Variants in COL4A3 observed in about 807,000 individuals in gnomAD.
COL4A3 encodes collagen type IV alpha 3 chain.
Under a neutral mutation model 217.4 loss-of-function variants are expected in COL4A3, and 135 were observed. The observed-to-expected ratio is 0.62, with a 90% CI of 0.54 to 0.72. The LOEUF is 0.72. COL4A3 is among the 30% of genes least tolerant of loss of function. COL4A3 has a pLI of 0.00. For missense variants in COL4A3, 1,868 were observed against 2,119.9 expected (o/e 0.88, Z 2.33); for synonymous variants, 690 against 736.3 (o/e 0.94, Z 1.02).
intron 34 of COL4A3, among the ~76,000 whole-genome samples, chr2:227,285,233 T>C (rs1308997055): frequency 7.7e-6 from 1 of 130,630 alleles, no homozygotes; most frequent in Non-Finnish European, 1.5e-5. Context: ...TTTATATGCA[T>C]GGCACATGAG....
At chr2:227,276,892 C>G (rs2071598105) in intron 27 of COL4A3, among the ~76,000 whole-genome samples, 1 of 152,184 alleles carries the variant, frequency 6.6e-6, no homozygotes, top group South Asian at 2.1e-4. Flanking sequence ...TGGAGGGAGA[C>G]TTACATAGTT....
Position 227,250,378 on chromosome 2 carries a change from A to G in COL4A3, c.547-762A>G, listed in dbSNP as rs1559866275. ...TAGATAGATAGATAGATAGATAGATAGATAGATATTTAAAAATTGTATGAA... is the reference window on the plus strand; with the variant it reads ...TAGATAGATAGATAGATAGATAGATGGATAGATATTTAAAAATTGTATGAA... On this transcript the variant is annotated intron_variant, in intron 9 of 51. Transcript: ENST00000396578. The surrounding 1 kb of genome is among the most constrained non-coding windows in gnomAD (Gnocchi z 4.1). 6.6e-6 allele frequency among the ~76,000 whole-genome samples: 1 copy of G among 151,404 alleles called. No homozygotes were observed. The highest frequency in any genetic ancestry group is 1.5e-5 in the Non-Finnish European group (1 of 67,978).
chr2:227,257,631 G>T lies in COL4A3; in HGVS notation c.1016G>T (p.Gly339Val). The change falls in exon 18 of 52, where the codon GGA becomes GTA. Residue 339 changes from glycine (G) to valine (V), a missense_variant. This residue lies in a region of COL4A3 where 1,503 missense variants were observed against 1,786.1 expected (regional missense o/e 0.84). Coordinates refer to ENST00000396578, the MANE Select transcript of COL4A3 (RefSeq NM_000091.5). Reference sequence around the variant, plus strand: ...CAGAAAGGGGACATTGGCCCTCCAGGATTTCGTGGTCCAGTAAGTGTGATT... The same window carrying T: ...CAGAAAGGGGACATTGGCCCTCCAGTATTTCGTGGTCCAGTAAGTGTGATT... ...KGQKGDIGPP[G>V]FRGPTEYYDT... is the part of the protein sequence containing the mutation. 1 of 1,613,856 alleles carries T rather than the reference G, an allele frequency of 6.2e-7. No homozygotes were observed. Among genetic ancestry groups the T allele is most frequent in the Non-Finnish European group, 8.5e-7 (1 of 1,179,762 alleles).
At chr2:227,249,228 A>ATG (rs1437063843) in intron 9 of COL4A3, among the ~76,000 whole-genome samples, 1 of 22,178 alleles carries the variant, frequency 4.5e-5, no homozygotes, top group Non-Finnish European at 1.0e-4. Context: ...ATATATATAT[A>ATG]TATTTTTTTT....
chr2:227,272,784 AC>A (rs1223525766), intron 25 of COL4A3, among the ~76,000 whole-genome samples, 164 bp from the exon 26 acceptor site: 6 of 152,228 alleles, frequency 3.9e-5, no homozygotes, highest in Non-Finnish European at 7.3e-5. Context: ...AACGGAAGAA[AC>A]CTGCAGTGCT....
chr2:227,248,942 GT>G (rs1342931293), intron 9 of COL4A3, among the ~76,000 whole-genome samples: 1 of 151,454 alleles, frequency 6.6e-6, no homozygotes, highest in Admixed American at 6.6e-5. Context: ...TAAATAAAAG[GT>G]TTTTATTTAA....
intron 46 of COL4A3, 21 bp from the exon 47 acceptor site, chr2:227,304,964 A>G: frequency 8.8e-6 from 14 of 1,599,808 alleles, no homozygotes; most frequent in Non-Finnish European, 1.1e-5. Context: ...AAAATGCAAT[A>G]CAATGTTGGT....
chr2:227,223,585 A>G (rs929796241), intron 1 of COL4A3, among the ~76,000 whole-genome samples: 2 of 152,028 alleles, frequency 1.3e-5, no homozygotes, highest in African/African-American at 4.8e-5. Flanking sequence ...CTAAAAATAC[A>G]AAAGAAAAAT....
rs2070155984 is a variant in COL4A3 at position 227,256,156 on chromosome 2, A to G, written c.933+86A>G. The G allele has an allele frequency of 2.2e-6, 3 of 1,381,168 alleles. No individual in the cohort carries two copies. In the Admixed American group the frequency reaches 5.2e-5, roughly 24 times the overall value. 85.6% of individuals were successfully genotyped at this position (1,381,168 alleles called of 1,614,324 possible). ...GATTTTTTAAAATCACTAAATAGTT[A>G]TAAACAAACAAAAAGCTTACAGCTT... On this transcript the variant is annotated intron_variant, in intron 16 of 51. Transcript: ENST00000396578.
At chr2:227,298,897 G>A (rs2073155105) in intron 43 of COL4A3, 85 bp downstream of exon 43, 3 of 1,280,188 alleles carry the variant, frequency 2.3e-6, no homozygotes, top group Middle Eastern at 5.5e-4. Context: ...ATCATATATT[G>A]TTGATGTTAA....
At chr2:227,255,069 G>A (rs2070069129) in intron 15 of COL4A3, among the ~76,000 whole-genome samples, 1 of 152,162 alleles carries the variant, frequency 6.6e-6, no homozygotes, top group Non-Finnish European at 1.5e-5. Context: ...GGCATTAGAG[G>A]AGAAAGAGAG....
At chr2:227,237,369 T>C (rs1316377626) in intron 1 of COL4A3, among the ~76,000 whole-genome samples, 4 of 152,334 alleles carry the variant, frequency 2.6e-5, no homozygotes, top group African/African-American at 7.2e-5. Flanking sequence ...CACAAATATA[T>C]ATAAGGTTGG....
At chr2:227,177,920 T>A (rs992415307) in intron 1 of COL4A3, among the ~76,000 whole-genome samples, 9 of 152,302 alleles carry the variant, frequency 5.9e-5, no homozygotes, top group Admixed American at 2.0e-4. Flanking sequence ...AGACTTGTAA[T>A]GTTGGCCATT....
intron 18 of COL4A3, 121 bp from the exon 19 acceptor site, chr2:227,259,672 T>C: frequency 1.3e-6 from 1 of 750,182 alleles, no homozygotes; most frequent in Non-Finnish European, 2.4e-6. Context: ...TGTAAACCTA[T>C]GAATTCAGGA....
At chr2:227,244,180 C>T in intron 3 of COL4A3, 140 bp from the exon 4 acceptor site, 1 of 719,844 alleles carries the variant, frequency 1.4e-6, no homozygotes, top group East Asian at 2.6e-5. Context: ...AATAAGCAAG[C>T]AATTGAATCT....
chr2:227,298,701 A>G lies in COL4A3; in HGVS notation c.3771A>G (p.Gly1257=). ...RGSPGAPGPP[G]PPGSHVIGIK... ...ATTCAGGTGCGCCTGGTCCCCCTGGACCTCCAGGGAGTCATGTAATAGGCA... is the reference window on the plus strand; with the variant it reads ...ATTCAGGTGCGCCTGGTCCCCCTGGGCCTCCAGGGAGTCATGTAATAGGCA... Residue 1257 remains glycine, a synonymous_variant, in exon 43 of 52, where the codon GGA becomes GGG. Coordinates refer to ENST00000396578, the MANE Select transcript of COL4A3 (RefSeq NM_000091.5). 6.2e-7 allele frequency: 1 copy of G among 1,613,902 alleles called. No homozygotes were observed. The highest frequency in any genetic ancestry group is 1.1e-5 in the South Asian group (1 of 91,064).
At chr2:227,208,716 A>G (rs555846458) in intron 1 of COL4A3, among the ~76,000 whole-genome samples, 1 of 151,600 alleles carries the variant, frequency 6.6e-6, no homozygotes, top group African/African-American at 2.4e-5. Context: ...GTCTTGATAA[A>G]TCAGTTCTGT....
chr2:227,275,164 A>C (rs1473292441), intron 26 of COL4A3, among the ~76,000 whole-genome samples: 1 of 149,390 alleles, frequency 6.7e-6, no homozygotes, highest in African/African-American at 2.6e-5. Context: ...CCATCACCAA[A>C]TGCTCTGTTG....
Position 227,293,258 on chromosome 2 carries a change from A to G in COL4A3, c.3278A>G (p.His1093Arg), listed in dbSNP as rs1403456385. Residue 1093 changes from histidine to arginine, a missense_variant, in exon 38 of 52, where the codon CAT becomes CGT. His to Arg is a conservative substitution (Grantham distance 29, BLOSUM62 0). Around this residue, in one of 2 missense-constraint regions of COL4A3, gnomAD observed 1,503 missense variants for 1,786.1 expected, o/e 0.84. Coordinates refer to ENST00000396578, the MANE Select transcript of COL4A3 (RefSeq NM_000091.5). ...ATGGGGCAACCTGGCCCACCTGGAC[A>G]TTTGGGGCCTGCTGGACCTGAGGGA... ...GEMGQPGPPGHLGPAGPEGAP... is the reference protein window; with the variant it reads ...GEMGQPGPPGRLGPAGPEGAP... The G allele has an allele frequency of 2.5e-6, 4 of 1,613,888 alleles. No individual in the cohort carries two copies. Among genetic ancestry groups the G allele is most frequent in the Non-Finnish European group, 3.4e-6 (4 of 1,180,028 alleles).
Sources: allele counts gnomAD v4.1 joint callset (sites outside exome capture counted in the v4.1 genomes callset), GRCh38; gene constraint gnomAD v4.1.1; regional missense constraint gnomAD v4.1.1; non-coding constraint Gnocchi (gnomAD v3.1); transcripts MANE v1.5; gene names NCBI Gene and HGNC (gene_info 2026-07-23, HGNC 2026-07-21).